FNDC3A: variants seen among roughly 807,000 people sequenced by gnomAD.
FNDC3A encodes fibronectin type III domain containing 3A.
FNDC3A carries 32 observed loss-of-function variants against 148.9 expected under a neutral mutation model. The observed-to-expected ratio is 0.21, with a 90% confidence interval of 0.16 to 0.29. The LOEUF is 0.29. Among genes scored for constraint, FNDC3A ranks in the 10% least tolerant of loss-of-function variants. The pLI is 1.00. For synonymous variants in FNDC3A, 472 were observed against 473.6 expected (o/e 1.00, Z 0.04); for missense variants, 1,191 against 1,452.8 (o/e 0.82, Z 2.93).
At chr13:49,101,847 C>T (rs1326972070) in intron 3 of FNDC3A, among the ~76,000 whole-genome samples, 3 of 141,816 alleles carry the variant, frequency 2.1e-5, no homozygotes, top group Non-Finnish European at 3.0e-5. Flanking sequence ...TGTTGTATGG[C>T]AGTGTGGGCA....
At chr13:49,035,232 TA>T (rs1874410294) in intron 2 of FNDC3A, among the ~76,000 whole-genome samples, 1 of 152,106 alleles carries the variant, frequency 6.6e-6, no homozygotes, top group Admixed American at 6.5e-5. Context: ...TGACACTTTT[TA>T]GTAGGATTGG....
chr13:49,171,216 G>T (rs1320082140), intron 10 of FNDC3A, among the ~76,000 whole-genome samples: 3 of 152,108 alleles, frequency 2.0e-5, no homozygotes, highest in African/African-American at 7.2e-5. Context: ...AGACCTCCAT[G>T]TTCATCTGTA....
intron 2 of FNDC3A, among the ~76,000 whole-genome samples, chr13:49,045,242 C>G (rs983111811): frequency 6.6e-6 from 1 of 152,012 alleles, no homozygotes; most frequent in African/African-American, 2.4e-5. Context: ...CAACCTCTGT[C>G]TCCCAGGTTC....
At chr13:49,110,449 CAGAA>C (rs777640148) in intron 3 of FNDC3A, 44 of 1,290,066 alleles carry the variant, frequency 3.4e-5, no homozygotes, top group South Asian at 2.4e-4. Context: ...TATTTTAAGA[CAGAA>C]AGCATTGTAT....
intron 1 of FNDC3A, among the ~76,000 whole-genome samples, chr13:49,003,787 C>T (rs1434812789): frequency 6.6e-6 from 1 of 151,998 alleles, no homozygotes; most frequent in South Asian, 2.1e-4. Context: ...AAGAATAGTA[C>T]AAAGATGTCC....
intron 4 of FNDC3A, among the ~76,000 whole-genome samples, chr13:49,130,326 G>C (rs1791128188): frequency 1.3e-5 from 2 of 151,642 alleles, no homozygotes; most frequent in South Asian, 4.2e-4. Context: ...TGTGTCCCTT[G>C]AAATGATCAG....
chr13:49,196,346 G>A (rs7992530), intron 19 of FNDC3A, among the ~76,000 whole-genome samples: 151,625 of 152,288 alleles, frequency 1, 75,488 homozygotes, highest in Middle Eastern at 1. Flanking sequence ...TTTATATTCC[G>A]GGTAATGTAT....
chr13:49,048,323 A>T (rs1488201974), intron 2 of FNDC3A, among the ~76,000 whole-genome samples: 1 of 151,936 alleles, frequency 6.6e-6, no homozygotes, highest in Non-Finnish European at 1.5e-5. Flanking sequence ...TTCTGTGAAG[A>T]ATGATGGTGG....
intron 2 of FNDC3A, among the ~76,000 whole-genome samples, chr13:49,035,788 C>A (rs1007688521): frequency 1.3e-5 from 2 of 151,950 alleles, no homozygotes; most frequent in African/African-American, 2.4e-5. Context: ...ATTAAACGAG[C>A]AATTGGTTGA....
At chr13:49,189,406 C>T (rs1885761784) in intron 17 of FNDC3A, among the ~76,000 whole-genome samples, 1 of 152,050 alleles carries the variant, frequency 6.6e-6, no homozygotes. Context: ...TGGCCTCGAA[C>T]TCCTGACTTC....
chr13:49,072,802 A>T (rs1300466016), intron 2 of FNDC3A, among the ~76,000 whole-genome samples: 2 of 152,088 alleles, frequency 1.3e-5, no homozygotes, highest in East Asian at 3.9e-4. Flanking sequence ...TGATTTTTGT[A>T]TGTTGATTTT....
At position 49,019,376 on chromosome 13, in the gene FNDC3A, C is replaced by G. The variant is rs183159663; in HGVS notation, c.99+13087C>G. 9.7e-3 allele frequency among the ~76,000 whole-genome samples: 1,474 copies of G among 152,354 alleles called. 14 individuals carry two copies. Among genetic ancestry groups the G allele is most frequent in the African/African-American group, 0.023 (964 of 41,580 alleles). The stretch of plus-strand genomic sequence containing the variant: ...AGTGACCCAATTTTCCAGGTGCCGT[C>G]TGTCACCCCTTTCTTTGACTAGGAA... On this transcript the variant is annotated intron_variant, in intron 2 of 25. Coordinates refer to ENST00000492622, the MANE Select transcript of FNDC3A (RefSeq NM_001079673.2).
At chr13:49,146,123 T>C in intron 8 of FNDC3A, 188 bp downstream of exon 8, 1 of 518,844 alleles carries the variant, frequency 1.9e-6, no homozygotes, top group Non-Finnish European at 3.4e-6. Flanking sequence ...TCTACCTTCC[T>C]TCAGAATAAT....
chr13:49,142,015 G>GT (rs1024739791), intron 7 of FNDC3A, among the ~76,000 whole-genome samples: 49 of 152,200 alleles, frequency 3.2e-4, no homozygotes, highest in African/African-American at 1.2e-3. Flanking sequence ...AATGAAGATA[G>GT]TTAAGCCTAT....
chr13:48,999,629 A>G lies in FNDC3A; in HGVS notation c.-39-6523A>G, dbSNP rs146498702. 1.7e-3 allele frequency among the ~76,000 whole-genome samples: 263 copies of G among 152,336 alleles called. 2 individuals are homozygous for G. Among genetic ancestry groups the G allele is most frequent in the African/African-American group, 6.1e-3 (255 of 41,562 alleles). Reference sequence around the variant, plus strand: ...GGCCGAATATTATAGACTGAATATTAGTGTCTCTCCGGAATTCATATATTG... The same window carrying G: ...GGCCGAATATTATAGACTGAATATTGGTGTCTCTCCGGAATTCATATATTG... On this transcript the variant is annotated intron_variant, in intron 1 of 25. Transcript: ENST00000492622.
chr13:49,140,164 C>G (rs2137951463), intron 7 of FNDC3A, among the ~76,000 whole-genome samples: 1 of 152,192 alleles, frequency 6.6e-6, no homozygotes, highest in East Asian at 1.9e-4. Flanking sequence ...GAGACCTCGT[C>G]TCTACAAAAA....
At position 49,106,791 on chromosome 13, in the gene FNDC3A, A is replaced by AC. The variant is rs1378562813; in HGVS notation, c.176-7864_176-7863insC. Among the ~76,000 whole-genome samples, 8 of 150,952 alleles carry AC rather than the reference A, an allele frequency of 5.3e-5. No homozygotes were observed. The South Asian group carries it at 1.0e-3, about 20-fold the overall frequency. ...ATGAAAGCAAAAAAAAAAAAAAAAAAAACCAACAACAACAGAAACTGAAAA... is the reference window on the plus strand; with the variant it reads ...ATGAAAGCAAAAAAAAAAAAAAAAAACAACCAACAACAACAGAAACTGAAAA... On this transcript the variant is annotated intron_variant, in intron 3 of 25. Transcript: ENST00000492622.
chr13:49,055,950 G>A (rs1368660722), intron 2 of FNDC3A, among the ~76,000 whole-genome samples: 1 of 152,088 alleles, frequency 6.6e-6, no homozygotes, highest in African/African-American at 2.4e-5. Flanking sequence ...ACTTTGGAAG[G>A]CTGAGGCAGG....
intron 19 of FNDC3A, among the ~76,000 whole-genome samples, chr13:49,195,901 C>G (rs1886123270): frequency 6.6e-6 from 1 of 151,762 alleles, no homozygotes; most frequent in Admixed American, 6.6e-5. Flanking sequence ...TGGTGAAACC[C>G]TGTCTCTGTA....
Sources: allele counts gnomAD v4.1 joint callset (sites outside exome capture counted in the v4.1 genomes callset), GRCh38; gene constraint gnomAD v4.1.1; transcripts MANE v1.5; gene names NCBI Gene and HGNC (gene_info 2026-07-23, HGNC 2026-07-21).